Variants in L3MBTL4 observed in about 807,000 individuals in gnomAD.
The protein encoded by L3MBTL4 is lethal(3)malignant brain tumor-like protein 4.
L3MBTL4 carries 70 observed loss-of-function variants against 84.5 expected under a neutral mutation model. The observed-to-expected ratio is 0.83, with a 90% confidence interval of 0.68 to 1.01. The LOEUF (loss-of-function observed/expected upper bound fraction) is 1.01, where lower values mean the gene tolerates loss of function less well. Ranked by LOEUF, L3MBTL4 falls within the 50% of genes least tolerant of loss-of-function variation. The probability of loss-of-function intolerance (pLI) is 0.00; values close to 1 mark genes in which losing one functional copy is unlikely to be tolerated. For synonymous variants in L3MBTL4, 274 were observed against 259.8 expected, an observed-to-expected ratio of 1.05 and a Z score of -0.52; for missense variants, 715 against 754.8, an observed-to-expected ratio of 0.95 and a Z score of 0.62.
intron 1 of L3MBTL4, among the ~76,000 whole-genome samples, chr18:6,373,312 C>G (rs1159657275): frequency 6.6e-6 from 1 of 152,174 alleles, no homozygotes. Context: ...TCCCAAAGGG[C>G]AGTCAAAAGG....
chr18:6,325,685 C>T (rs925774332), intron 1 of L3MBTL4, among the ~76,000 whole-genome samples: 7 of 152,178 alleles, frequency 4.6e-5, no homozygotes, highest in African/African-American at 7.2e-5. Context: ...ATCATGTTTT[C>T]ATTCTTAAGC....
chr18:6,386,882 G>T (rs57599950), intron 1 of L3MBTL4, among the ~76,000 whole-genome samples: 4,568 of 152,270 alleles, frequency 0.03, 122 homozygotes, highest in African/African-American at 0.079. Flanking sequence ...TAAAGGGTTA[G>T]GAAGAGAAGA....
At chr18:6,289,627 C>T (rs1470566250) in intron 4 of L3MBTL4, among the ~76,000 whole-genome samples, 1 of 152,140 alleles carries the variant, frequency 6.6e-6, no homozygotes, top group African/African-American at 2.4e-5. Context: ...ATTTATAGGT[C>T]AGACATCACT....
intron 13 of L3MBTL4, among the ~76,000 whole-genome samples, chr18:6,169,342 G>A (rs542294648): frequency 6.6e-6 from 1 of 152,168 alleles, no homozygotes; most frequent in African/African-American, 2.4e-5. Context: ...TATACTCAAA[G>A]AATTACAAAA....
In L3MBTL4 at chr18:6,064,968, G is replaced by A. The variant is rs921660334; in HGVS notation, c.1444+15913C>T. Among the ~76,000 whole-genome samples the A allele has an allele frequency of 2.5e-4, 38 of 151,932 alleles. 1 individual carries two copies. The highest frequency in any genetic ancestry group is 7.9e-4 in the Admixed American group (12 of 15,226). The stretch of plus-strand genomic sequence containing the variant: ...TGCTTTAAACTCTTCGCCATTCAGC[G>A]TAATGTTGCCTGTGGGTTTACCTTA... On this transcript the variant is annotated intron_variant, in intron 16 of 18. Transcript: ENST00000317931.
chr18:6,314,130 C>G (rs1350817142), intron 1 of L3MBTL4, among the ~76,000 whole-genome samples: 1 of 152,024 alleles, frequency 6.6e-6, no homozygotes, highest in Admixed American at 6.6e-5. Flanking sequence ...TTTGTATAAT[C>G]CTTTATAATG....
chr18:6,174,637 A>G (rs912444939), intron 12 of L3MBTL4, among the ~76,000 whole-genome samples: 2 of 152,146 alleles, frequency 1.3e-5, no homozygotes, highest in Non-Finnish European at 2.9e-5. Flanking sequence ...TGGGAGGCTA[A>G]GGCAGGCAGA....
intron 13 of L3MBTL4, among the ~76,000 whole-genome samples, chr18:6,145,970 G>A (rs917256208): frequency 6.6e-6 from 1 of 152,190 alleles, no homozygotes; most frequent in Non-Finnish European, 1.5e-5. Context: ...AGTGAGTGGG[G>A]GACGTGGGGA....
intron 16 of L3MBTL4, among the ~76,000 whole-genome samples, chr18:6,050,691 TC>T (rs1187058854): frequency 2.2e-5 from 3 of 136,036 alleles, no homozygotes; most frequent in African/African-American, 1.1e-4. Context: ...GTGTATGACT[TC>T]CGTTTTTTAA....
intron 4 of L3MBTL4, among the ~76,000 whole-genome samples, chr18:6,287,899 A>C (rs1441422688): frequency 6.6e-6 from 1 of 152,220 alleles, no homozygotes; most frequent in Non-Finnish European, 1.5e-5. Context: ...GAAATTAGCC[A>C]GGTATGGTAG....
Position 6,271,005 on chromosome 18 carries a change from A to G in L3MBTL4, c.128-6967T>C, listed in dbSNP as rs906783537. ...TGACAGTGTGGGTGTGACCTAAACAAAGGGGGGCATGCAGTGCCCTCTGTG... is the reference window on the plus strand; with the variant it reads ...TGACAGTGTGGGTGTGACCTAAACAGAGGGGGGCATGCAGTGCCCTCTGTG... On this transcript the variant is annotated intron_variant, in intron 4 of 18. Coordinates refer to ENST00000317931, the MANE Select transcript of L3MBTL4 (RefSeq NM_001330559.2). 7.9e-5 allele frequency among the ~76,000 whole-genome samples: 12 copies of G among 152,174 alleles called. 1 individual carries two copies. The highest frequency in any genetic ancestry group is 2.9e-4 in the African/African-American group (12 of 41,444).
chr18:5,967,259 C>T (rs1412063297), intron 17 of L3MBTL4, among the ~76,000 whole-genome samples: 1 of 152,228 alleles, frequency 6.6e-6, no homozygotes, highest in Non-Finnish European at 1.5e-5. Flanking sequence ...GAAGTCAGCT[C>T]ATGGCCTGGT....
intron 15 of L3MBTL4, among the ~76,000 whole-genome samples, chr18:6,091,302 G>C (rs1449598786): frequency 6.6e-6 from 1 of 152,174 alleles, no homozygotes; most frequent in African/African-American, 2.4e-5. Context: ...CTCGAAAAGG[G>C]AATGACTGCT....
chr18:6,166,238 T>G (rs1391201013), intron 13 of L3MBTL4, among the ~76,000 whole-genome samples: 1 of 152,204 alleles, frequency 6.6e-6, no homozygotes, highest in African/African-American at 2.4e-5. Context: ...TGGGAGACTT[T>G]AACACCCCGC....
At chr18:6,339,641 C>G (rs1188319523) in intron 1 of L3MBTL4, among the ~76,000 whole-genome samples, 1 of 151,790 alleles carries the variant, frequency 6.6e-6, no homozygotes. Context: ...GCACAATAGA[C>G]AAAGCCAAAG....
At chr18:6,308,175 C>T (rs937484597) in intron 3 of L3MBTL4, among the ~76,000 whole-genome samples, 9 of 152,156 alleles carry the variant, frequency 5.9e-5, no homozygotes, top group Non-Finnish European at 7.3e-5. Flanking sequence ...AGACAAAATA[C>T]GTCAAGGAGT....
chr18:6,359,192 G>T (rs1204475756), intron 1 of L3MBTL4, among the ~76,000 whole-genome samples: 1 of 152,210 alleles, frequency 6.6e-6, no homozygotes, highest in Non-Finnish European at 1.5e-5. Context: ...GGGCACGGCG[G>T]CTCATGCCTG....
chr18:5,967,770 G>C (rs569674953), intron 17 of L3MBTL4, among the ~76,000 whole-genome samples: 1 of 152,244 alleles, frequency 6.6e-6, no homozygotes, highest in Non-Finnish European at 1.5e-5. Flanking sequence ...CAGAGTGGGA[G>C]AAGGCGGGAC....
chr18:6,398,431 C>T (rs1343563956), intron 1 of L3MBTL4, among the ~76,000 whole-genome samples: 1 of 152,164 alleles, frequency 6.6e-6, no homozygotes, highest in East Asian at 1.9e-4. Flanking sequence ...TCATCCCATC[C>T]TGGGTTCAAA....
Sources: allele counts gnomAD v4.1 joint callset (sites outside exome capture counted in the v4.1 genomes callset), GRCh38; gene constraint gnomAD v4.1.1; transcripts MANE v1.5; gene names NCBI Gene and HGNC (gene_info 2026-07-23, HGNC 2026-07-21).